Variants in CENPF observed in about 807,000 individuals in gnomAD.
CENPF encodes the protein AH antigen.
Under a neutral mutation model 307.3 loss-of-function variants are expected in CENPF, and 214 were observed. The observed-to-expected ratio is 0.70, with a 90% CI of 0.62 to 0.78. CENPF has a LOEUF of 0.78. CENPF is among the 30% of genes least tolerant of loss of function. The pLI is 0.00. For missense variants in CENPF, 3,401 were observed against 3,483.9 expected, an observed-to-expected ratio of 0.98 and a Z score of 0.60; for synonymous variants, 1,259 against 1,270.6, an observed-to-expected ratio of 0.99 and a Z score of 0.19.
At chr1:214,635,178 AAG>A (rs981176451) in intron 10 of CENPF, among the ~76,000 whole-genome samples, 44 of 152,332 alleles carry the variant, frequency 2.9e-4, no homozygotes, top group Admixed American at 7.8e-4. Context: ...TCTGGCAAGC[AAG>A]AGAGATGAGG....
At chr1:214,630,732 C>G in intron 9 of CENPF, 70 bp downstream of exon 9, 1 of 1,539,936 alleles carries the variant, frequency 6.5e-7, no homozygotes, top group Non-Finnish European at 8.8e-7. Context: ...ACTTCTCTAC[C>G]ATAACTGACA....
Position 214,644,820 on chromosome 1 carries a change from A to AT in CENPF, c.5254dup (p.Ser1752PhefsTer4). On this transcript the variant is annotated frameshift_variant, in exon 13 of 20. Coordinates refer to ENST00000366955, the MANE Select transcript of CENPF (RefSeq NM_016343.4). LOFTEE classifies it high-confidence loss of function. ...CTTCAGAATGCATTTCTGAATTGTC[A>AT]TTTTCTGGTCCTAATGCTTTGGTAC... 6.2e-7 allele frequency: 1 copy of AT among 1,614,028 alleles called. No individual in the cohort carries two copies. The highest frequency in any genetic ancestry group is 8.5e-7 in the Non-Finnish European group (1 of 1,179,986).
intron 7 of CENPF, among the ~76,000 whole-genome samples, chr1:214,625,552 G>A (rs188574477): frequency 4.2e-4 from 64 of 152,140 alleles, no homozygotes; most frequent in Non-Finnish European, 7.4e-4. Context: ...GGTATATTTA[G>A]GCTATTTATA....
chr1:214,615,221 A>G, intron 3 of CENPF, 193 bp downstream of exon 3: 2 of 454,292 alleles, frequency 4.4e-6, no homozygotes, highest in Non-Finnish European at 8.0e-6. Context: ...ATTTGGTTTT[A>G]TCATTGCATA....
At chr1:214,628,571 G>A (rs192633693) in intron 7 of CENPF, among the ~76,000 whole-genome samples, 1 of 152,170 alleles carries the variant, frequency 6.6e-6, no homozygotes, top group Non-Finnish European at 1.5e-5. Context: ...AGTCTCCCCA[G>A]TAACTGGGAT....
chr1:214,630,446 C>A, intron 8 of CENPF, 88 bp from the exon 9 acceptor site: 2 of 1,498,538 alleles, frequency 1.3e-6, no homozygotes, highest in Non-Finnish European at 1.8e-6. Context: ...GCTCTCTGTG[C>A]AGTCGCCTGT....
At chr1:214,619,271 G>T in intron 5 of CENPF, 51 bp downstream of exon 5, 1 of 898,496 alleles carries the variant, frequency 1.1e-6, no homozygotes, top group South Asian at 1.6e-5. Flanking sequence ...AGAATACTTT[G>T]ATATAGAATA....
Position 214,652,943 on chromosome 1 carries a change from C to T in CENPF, c.8276C>T (p.Ser2759Leu). 1.2e-6 allele frequency: 2 copies of T among 1,606,678 alleles called. No individual in the cohort carries two copies. Among genetic ancestry groups the T allele is most frequent in the Non-Finnish European group, 1.7e-6 (2 of 1,177,708 alleles). The part of the protein sequence containing the change: ...LKSSKEELNN[S>L]LKATTQILEE... ...TCTAGTAAAGAAGAGCTCAATAATT[C>T]ATTGAAAGCTACTACTCAGATTTTG... is the stretch of plus-strand genomic sequence containing the variant. The change falls in exon 16 of 20, where the codon TCA becomes TTA. Residue 2759 changes from serine to leucine, a missense_variant. By Grantham distance (145) the Ser-to-Leu change is moderately radical. Coordinates refer to ENST00000366955, the MANE Select transcript of CENPF (RefSeq NM_016343.4).
intron 7 of CENPF, among the ~76,000 whole-genome samples, chr1:214,624,848 T>G (rs1324727139): frequency 1.3e-5 from 2 of 152,218 alleles, no homozygotes; most frequent in Non-Finnish European, 2.9e-5. Context: ...GATTTTCTGT[T>G]TAGTTGTTCA....
chr1:214,653,867 G>C (rs1396376289), intron 16 of CENPF: 1 of 152,150 alleles, frequency 6.6e-6, no homozygotes, highest in Admixed American at 6.5e-5. Context: ...ATAATAGAAG[G>C]AAGTAGCACT....
At chr1:214,622,555 A>G (rs1275694801) in intron 7 of CENPF, among the ~76,000 whole-genome samples, 1 of 152,218 alleles carries the variant, frequency 6.6e-6, no homozygotes, top group Admixed American at 6.5e-5. Context: ...AAATGTATAT[A>G]TAGCATCTAG....
At chr1:214,661,194 G>A (rs900854405) in intron 19 of CENPF, among the ~76,000 whole-genome samples, 1 of 152,170 alleles carries the variant, frequency 6.6e-6, no homozygotes, top group African/African-American at 2.4e-5. Context: ...CTGTTCAGTA[G>A]GCACCAGCAG....
At chr1:214,633,321 A>G (rs1452841069) in intron 10 of CENPF, among the ~76,000 whole-genome samples, 1 of 152,222 alleles carries the variant, frequency 6.6e-6, no homozygotes, top group Non-Finnish European at 1.5e-5. Context: ...GAATTTATTT[A>G]GTGGCCTGGA....
Position 214,620,822 on chromosome 1 carries a change from T to C in CENPF, c.741T>C (p.Ser247=). ...IRRDFSASYF[S]GEQEVTPSRS... The stretch of plus-strand genomic sequence containing the variant: ...GAGATTTCTCTGCATCTTACTTTTC[T>C]GGGGAACAAGAGGTGACTCCAAGTC... Residue 247 remains serine (S), a synonymous_variant, in exon 6 of 20, where the codon TCT becomes TCC. Coordinates refer to ENST00000366955, the MANE Select transcript of CENPF (RefSeq NM_016343.4). The C allele has an allele frequency of 6.2e-7, 1 of 1,614,188 alleles. No homozygotes were observed.
At position 214,614,931 on chromosome 1, in the gene CENPF, C is replaced by A; in HGVS notation, c.262C>A (p.His88Asn). 2 of 1,611,918 alleles carry A rather than the reference C, an allele frequency of 1.2e-6. No individual in the cohort carries two copies. The highest frequency in any genetic ancestry group is 4.5e-5 in the East Asian group (2 of 44,730). The part of the protein sequence containing the change: ...SLEKTKQKIS[H>N]ELQVKESQVN... Reference sequence around the variant, plus strand: ...GGAGAAAACTAAGCAGAAGATTTCTCATGAACTTCAAGTCAAGGAGTCACA... The same window carrying A: ...GGAGAAAACTAAGCAGAAGATTTCTAATGAACTTCAAGTCAAGGAGTCACA... Residue 88 changes from histidine to asparagine, a missense_variant, in exon 3 of 20, where the codon CAT becomes AAT. Coordinates refer to ENST00000366955, the MANE Select transcript of CENPF (RefSeq NM_016343.4).
intron 7 of CENPF, among the ~76,000 whole-genome samples, chr1:214,628,811 C>G (rs1321918606): frequency 1.3e-5 from 2 of 152,184 alleles, no homozygotes; most frequent in African/African-American, 2.4e-5. Flanking sequence ...ATTTTAACCT[C>G]TCATTTCCAT....
chr1:214,613,083 C>T, intron 1 of CENPF: 2 of 322,150 alleles, frequency 6.2e-6, no homozygotes, highest in South Asian at 3.9e-5. Context: ...TTTGCTAGCA[C>T]TGATATGGCT....
At chr1:214,618,226 A>G (rs767673559) in intron 3 of CENPF, among the ~76,000 whole-genome samples, 1 of 152,314 alleles carries the variant, frequency 6.6e-6, no homozygotes, top group East Asian at 1.9e-4. Context: ...CATGGGGATT[A>G]TGGGAACTAC....
chr1:214,632,086 G>T (rs1301572763), intron 9 of CENPF, among the ~76,000 whole-genome samples: 1 of 152,166 alleles, frequency 6.6e-6, no homozygotes, highest in Non-Finnish European at 1.5e-5. Context: ...CAATCATAGA[G>T]CGCTGTATAT....
Sources: gnomAD v4.1 joint callset for allele counts (sites outside exome capture counted in the v4.1 genomes callset) on GRCh38, gnomAD v4.1.1 for gene constraint, MANE v1.5 for transcripts, NCBI Gene and HGNC (gene_info 2026-07-23, HGNC 2026-07-21) for gene names.